NCKAP1: variants seen among roughly 807,000 people sequenced by gnomAD.
The protein encoded by NCKAP1 is nck-associated protein 1.
Under a neutral mutation model 151.2 loss-of-function variants are expected in NCKAP1, and 21 were observed. The observed-to-expected ratio is 0.14, with a 90% CI of 0.10 to 0.20. The LOEUF (loss-of-function observed/expected upper bound fraction) is 0.20, where lower values mean the gene tolerates loss of function less well. Among genes scored for constraint, NCKAP1 ranks in the 10% least tolerant of loss-of-function variants. The pLI is 1.00. For synonymous variants in NCKAP1, 484 were observed against 451.8 expected, an observed-to-expected ratio of 1.07 and a Z score of -0.90; for missense variants, 933 against 1,352.1, an observed-to-expected ratio of 0.69 and a Z score of 4.86.
intron 13 of NCKAP1, among the ~76,000 whole-genome samples, chr2:182,979,196 T>C (rs1243383527): frequency 6.6e-6 from 1 of 152,116 alleles, no homozygotes; most frequent in Non-Finnish European, 1.5e-5. Context: ...GGCGAAAGTA[T>C]AATGACAAAC....
chr2:183,009,627 G>C (rs1299204727), intron 2 of NCKAP1, among the ~76,000 whole-genome samples: 2 of 152,014 alleles, frequency 1.3e-5, no homozygotes, highest in Non-Finnish European at 2.9e-5. Flanking sequence ...TTTTATTGTG[G>C]TAAAATACGC....
intron 2 of NCKAP1, among the ~76,000 whole-genome samples, chr2:183,019,187 T>C (rs780069292): frequency 1.3e-5 from 2 of 152,202 alleles, no homozygotes; most frequent in African/African-American, 4.8e-5. Context: ...CATAGGATAG[T>C]AATTTTTATC....
At chr2:182,955,368 A>G (rs918675204) in intron 20 of NCKAP1, among the ~76,000 whole-genome samples, 1 of 152,182 alleles carries the variant, frequency 6.6e-6, no homozygotes, top group Admixed American at 6.5e-5. Flanking sequence ...GGCTTTGAAG[A>G]AAAAAATTGT....
At chr2:182,984,740 G>A (rs1698015737) in intron 10 of NCKAP1, among the ~76,000 whole-genome samples, 1 of 152,078 alleles carries the variant, frequency 6.6e-6, no homozygotes, top group African/African-American at 2.4e-5. Context: ...TTTCCAAGAA[G>A]AAAATGAACA....
chr2:183,033,543 C>G (rs534436595), intron 1 of NCKAP1, among the ~76,000 whole-genome samples: 1 of 152,310 alleles, frequency 6.6e-6, no homozygotes, highest in South Asian at 2.1e-4. Context: ...CTAGAGACTT[C>G]ATCTTAATTT....
At chr2:182,933,733 G>A (rs1650522486) in intron 26 of NCKAP1, among the ~76,000 whole-genome samples, 1 of 152,030 alleles carries the variant, frequency 6.6e-6, no homozygotes, top group South Asian at 2.1e-4. Context: ...ACCAATTTCA[G>A]AAGAGTCTTG....
chr2:182,994,908 A>T (rs1327826295), intron 7 of NCKAP1, 21 bp from the exon 8 acceptor site: 1 of 1,573,788 alleles, frequency 6.4e-7, no homozygotes, highest in Admixed American at 1.7e-5. Flanking sequence ...GAATATATAC[A>T]TTTGCAGTTA....
Position 182,916,182 on chromosome 2 carries a change from A to AC in NCKAP1, c.*9519_*9520insG, listed in dbSNP as rs903635217. 11 of 151,188 alleles carry AC rather than the reference A, an allele frequency of 7.3e-5. No homozygotes were observed. The highest frequency in any genetic ancestry group is 1.9e-4 in the African/African-American group (8 of 41,044). 9.4% of individuals were successfully genotyped at this position (151,188 alleles called of 1,614,324 possible). On this transcript the variant is annotated 3_prime_UTR_variant, in exon 31 of 31. Coordinates refer to ENST00000361354, the MANE Select transcript of NCKAP1 (RefSeq NM_013436.5). The stretch of plus-strand genomic sequence containing the variant: ...TTCGCCTTCTGTCAAAAAAAAAAAA[A>AC]AAAAAAAAACATGTCTCTGTGTCAT...
chr2:182,955,687 C>G (rs1453414661), intron 20 of NCKAP1, among the ~76,000 whole-genome samples: 2 of 152,142 alleles, frequency 1.3e-5, no homozygotes, highest in African/African-American at 4.8e-5. Flanking sequence ...CTTAACACTG[C>G]AAGTCAATAC....
At chr2:183,010,043 T>C (rs757223980) in intron 2 of NCKAP1, among the ~76,000 whole-genome samples, 4 of 152,258 alleles carry the variant, frequency 2.6e-5, no homozygotes, top group Admixed American at 6.5e-5. Context: ...GCTAGTCTTC[T>C]GTTTAAATTA....
At chr2:182,935,260 G>A (rs1300299540) in intron 25 of NCKAP1, 33 bp downstream of exon 25, 2 of 1,350,362 alleles carry the variant, frequency 1.5e-6, no homozygotes, top group African/African-American at 1.5e-5. Flanking sequence ...GGATTGTTTG[G>A]ATACCGAGTA....
Position 182,916,742 on chromosome 2 carries a change from T to C in NCKAP1, c.*8960A>G, listed in dbSNP as rs1260052272. ...TGGATACTGCAATAACATTTGAAAA[T>C]ACAAGCTTTACATCTTATACATTTT... On this transcript the variant is annotated 3_prime_UTR_variant, in exon 31 of 31. Transcript: ENST00000361354. 1 of 152,174 alleles carries C rather than the reference T, an allele frequency of 6.6e-6. No individual in the cohort carries two copies. Among genetic ancestry groups the C allele is most frequent in the Admixed American group, 6.5e-5 (1 of 15,276 alleles). 9.4% of individuals were successfully genotyped at this position (152,174 alleles called of 1,614,324 possible).
chr2:182,929,193 A>G (rs909438318), intron 27 of NCKAP1, among the ~76,000 whole-genome samples: 3 of 151,992 alleles, frequency 2.0e-5, no homozygotes, highest in African/African-American at 7.2e-5. Flanking sequence ...TATAGAACAA[A>G]AAATACAGTT....
intron 2 of NCKAP1, among the ~76,000 whole-genome samples, chr2:183,020,080 C>A (rs918376225): frequency 5.3e-5 from 8 of 151,914 alleles, no homozygotes; most frequent in South Asian, 2.1e-4. Context: ...AAACAAAAAA[C>A]AAACAAAACA....
At chr2:183,012,019 G>GT (rs762040610) in intron 2 of NCKAP1, among the ~76,000 whole-genome samples, 7 of 152,064 alleles carry the variant, frequency 4.6e-5, no homozygotes, top group Non-Finnish European at 1.0e-4. Context: ...ACTCCCAATT[G>GT]TTTTTTCTTT....
intron 1 of NCKAP1, among the ~76,000 whole-genome samples, chr2:183,024,137 A>T (rs1158960730): frequency 2.6e-5 from 4 of 152,120 alleles, no homozygotes; most frequent in Non-Finnish European, 5.9e-5. Context: ...GTTTCGAAGC[A>T]GTTAGCGCAG....
At chr2:182,928,049 A>G in intron 29 of NCKAP1, 68 bp downstream of exon 29, 1 of 1,107,336 alleles carries the variant, frequency 9.0e-7, no homozygotes, top group South Asian at 1.5e-5. Flanking sequence ...TTATTCTTAC[A>G]TTTTGTGGTT....
intron 18 of NCKAP1, among the ~76,000 whole-genome samples, chr2:182,958,135 G>C (rs540937758): frequency 6.6e-6 from 1 of 152,014 alleles, no homozygotes; most frequent in Non-Finnish European, 1.5e-5. Context: ...ACAGCATGAG[G>C]AGACATTTTC....
intron 15 of NCKAP1, among the ~76,000 whole-genome samples, chr2:182,973,411 G>A (rs1215399942): frequency 6.6e-6 from 1 of 151,942 alleles, no homozygotes; most frequent in Non-Finnish European, 1.5e-5. Flanking sequence ...AATGCTTAAG[G>A]GACTGATGGA....
Sources: gnomAD v4.1 joint callset for allele counts (sites outside exome capture counted in the v4.1 genomes callset) on GRCh38, gnomAD v4.1.1 for gene constraint, MANE v1.5 for transcripts, NCBI Gene and HGNC (gene_info 2026-07-23, HGNC 2026-07-21) for gene names.